PTPN9: variants seen among roughly 807,000 people sequenced by gnomAD.
The protein encoded by PTPN9 is protein tyrosine phosphatase non-receptor type 9.
In PTPN9, 26 loss-of-function variants were observed where a neutral mutation model predicts 69.8. The observed-to-expected ratio is 0.37, with a 90% confidence interval of 0.27 to 0.52. The LOEUF (loss-of-function observed/expected upper bound fraction) is 0.52, where lower values mean the gene tolerates loss of function less well. Ranked by LOEUF, PTPN9 falls within the 20% of genes least tolerant of loss-of-function variation. PTPN9 has a pLI of 0.91. For synonymous variants in PTPN9, 274 were observed against 272.5 expected, an observed-to-expected ratio of 1.01 and a Z score of -0.05; for missense variants, 549 against 740.3, an observed-to-expected ratio of 0.74 and a Z score of 3.00.
In PTPN9 at chr15:75,468,838, G is replaced by T; in HGVS notation, c.1713C>A (p.Ile571=). 6.2e-7 allele frequency: 1 copy of T among 1,614,178 alleles called. No homozygotes were observed. The highest frequency in any genetic ancestry group is 2.2e-5 in the East Asian group (1 of 44,884). ...TGCCCTCCTTCTCTGCGAACTCCAG[G>T]ATGGCCTTGTAGCAAAAATAGTACT... ...PEQYYFCYKA[I]LEFAEKEGMV... is the part of the protein sequence containing the mutation. Residue 571 remains isoleucine, a synonymous_variant, in exon 13 of 13, where the codon ATC becomes ATA. Coordinates refer to ENST00000618819, the MANE Select transcript of PTPN9 (RefSeq NM_002833.4).
intron 1 of PTPN9, among the ~76,000 whole-genome samples, chr15:75,555,756 C>T (rs146027061): frequency 7.9e-5 from 12 of 152,080 alleles, no homozygotes; most frequent in Non-Finnish European, 1.0e-4. Context: ...CCACCCACCT[C>T]GGCTTCCCAA....
chr15:75,546,064 T>C (rs1367455489), intron 1 of PTPN9, among the ~76,000 whole-genome samples: 1 of 152,196 alleles, frequency 6.6e-6, no homozygotes, highest in Non-Finnish European at 1.5e-5. Flanking sequence ...AATGGGCAAA[T>C]GGAATTCAAA....
intron 3 of PTPN9, 72 bp downstream of exon 3, chr15:75,524,133 AAAAC>A: frequency 1.4e-6 from 1 of 722,930 alleles, no homozygotes; most frequent in South Asian, 2.8e-5. Context: ...AAAAAAAAAA[AAAAC>A]AAAGTCCAAA....
intron 8 of PTPN9, among the ~76,000 whole-genome samples, chr15:75,488,927 G>A (rs2074693898): frequency 6.6e-6 from 1 of 152,108 alleles, no homozygotes; most frequent in African/African-American, 2.4e-5. Flanking sequence ...TGTAATCCCA[G>A]CACTTTGGGA....
At chr15:75,506,341 T>C (rs2074819710) in intron 6 of PTPN9, among the ~76,000 whole-genome samples, 1 of 152,168 alleles carries the variant, frequency 6.6e-6, no homozygotes, top group African/African-American at 2.4e-5. Context: ...ACTCTTTTTT[T>C]GGCCACTAAG....
chr15:75,515,705 C>T (rs536128551), intron 5 of PTPN9, among the ~76,000 whole-genome samples: 3 of 151,978 alleles, frequency 2.0e-5, no homozygotes, highest in Admixed American at 6.6e-5. Flanking sequence ...TGAGACCAGC[C>T]TGGCCAACGT....
intron 8 of PTPN9, among the ~76,000 whole-genome samples, chr15:75,485,354 C>CTTTTTTTTTT (rs891447336): frequency 2.5e-5 from 2 of 78,752 alleles, no homozygotes; most frequent in Non-Finnish European, 2.3e-5. Flanking sequence ...ATTGTCACTT[C>CTTTTTTTTTT]TTTTTTTTTT....
chr15:75,519,338 C>G (rs2074890259), intron 4 of PTPN9, among the ~76,000 whole-genome samples: 1 of 152,182 alleles, frequency 6.6e-6, no homozygotes, highest in South Asian at 2.1e-4. Context: ...CTCCTGACCT[C>G]AGGTGATCCA....
intron 1 of PTPN9, 95 bp from the exon 2 acceptor site, chr15:75,527,356 G>C: frequency 2.8e-6 from 4 of 1,430,726 alleles, no homozygotes; most frequent in Non-Finnish European, 2.9e-6. Context: ...CCTTCTCCAA[G>C]CAAGTCTGAA....
chr15:75,477,833 CTTTTTTTTTTTTTT>C (rs1196645006), intron 9 of PTPN9, among the ~76,000 whole-genome samples: 1 of 91,798 alleles, frequency 1.1e-5, no homozygotes, highest in South Asian at 4.6e-4. Context: ...ATCAGATACT[CTTTTTTTTTTTTTT>C]TTTTTTTTTT....
chr15:75,535,146 G>A (rs1275497395), intron 1 of PTPN9, among the ~76,000 whole-genome samples: 3 of 151,776 alleles, frequency 2.0e-5, no homozygotes, highest in African/African-American at 4.8e-5. Context: ...ACAGGCGGCC[G>A]CCACCATGCC....
chr15:75,469,610 T>C (rs1462549656), intron 12 of PTPN9, among the ~76,000 whole-genome samples, 182 bp downstream of exon 12: 1 of 152,198 alleles, frequency 6.6e-6, no homozygotes, highest in Non-Finnish European at 1.5e-5. Flanking sequence ...TTGTGAAATA[T>C]ATATTCTGGC....
chr15:75,518,303 C>T, intron 4 of PTPN9, among the ~76,000 whole-genome samples: 1 of 151,818 alleles, frequency 6.6e-6, no homozygotes, highest in East Asian at 1.9e-4. Context: ...CACTGCACTC[C>T]AGCCTGGGAG....
At chr15:75,512,458 G>T (rs1028115185) in intron 5 of PTPN9, among the ~76,000 whole-genome samples, 7 of 152,058 alleles carry the variant, frequency 4.6e-5, no homozygotes, top group African/African-American at 7.2e-5. Flanking sequence ...CTCCCAAAGG[G>T]CTGAGATTAT....
At chr15:75,518,803 C>T (rs867488893) in intron 4 of PTPN9, among the ~76,000 whole-genome samples, 3 of 142,862 alleles carry the variant, frequency 2.1e-5, no homozygotes, top group East Asian at 2.1e-4. Context: ...GGCAACAGAG[C>T]GAGACTCCAT....
chr15:75,559,734 TC>T (rs1166412676), intron 1 of PTPN9, among the ~76,000 whole-genome samples: 2 of 83,460 alleles, frequency 2.4e-5, no homozygotes, highest in Admixed American at 1.7e-4. Context: ...CCCTGCCAAA[TC>T]CCCCTCTGCG....
chr15:75,556,427 G>A (rs1419708102), intron 1 of PTPN9, among the ~76,000 whole-genome samples: 2 of 151,258 alleles, frequency 1.3e-5, no homozygotes, highest in African/African-American at 4.9e-5. Flanking sequence ...ACCCAGGCTG[G>A]AGCGTAGTGG....
chr15:75,478,474 C>T (rs1037666433), intron 9 of PTPN9, among the ~76,000 whole-genome samples: 13 of 152,120 alleles, frequency 8.5e-5, no homozygotes, highest in African/African-American at 2.2e-4. Flanking sequence ...GGCACGATCT[C>T]GGCTCAGAGC....
At chr15:75,564,465 G>A (rs28708554) in intron 1 of PTPN9, among the ~76,000 whole-genome samples, 90,181 of 150,876 alleles carry the variant, frequency 0.6, 28,258 homozygotes, top group African/African-American at 0.8. Flanking sequence ...GCGTGGTAGC[G>A]GGCGCCTGTA....
Sources: allele counts gnomAD v4.1 joint callset (sites outside exome capture counted in the v4.1 genomes callset), GRCh38; gene constraint gnomAD v4.1.1; transcripts MANE v1.5; gene names NCBI Gene and HGNC (gene_info 2026-07-23, HGNC 2026-07-21).